The following KIAA1549L variants were observed in gnomAD, a reference collection of about 807,000 sequenced individuals.
KIAA1549L encodes the protein KIAA1549 like, also known as UPF0606 protein KIAA1549L.
Under a neutral mutation model 160.7 loss-of-function variants are expected in KIAA1549L, and 88 were observed. The ratio of observed to expected loss-of-function variants is 0.55; its 90% CI spans 0.46 to 0.65. The LOEUF is 0.65. Ranked by LOEUF, KIAA1549L falls within the 30% of genes least tolerant of loss-of-function variation. The pLI, the probability that KIAA1549L is intolerant of heterozygous loss-of-function variation, is 0.00. For synonymous variants in KIAA1549L, 950 were observed against 976.7 expected (o/e 0.97, Z 0.51); for missense variants, 2,258 against 2,437.5 (o/e 0.93, Z 1.55).
chr11:33,475,946 G>A (rs994883057), intron 1 of KIAA1549L, among the ~76,000 whole-genome samples: 1 of 152,084 alleles, frequency 6.6e-6, no homozygotes, highest in Non-Finnish European at 1.5e-5. Flanking sequence ...ATTAAATCTG[G>A]GGTGGGCCTG....
intron 1 of KIAA1549L, among the ~76,000 whole-genome samples, chr11:33,467,622 G>A (rs1852090087): frequency 6.6e-6 from 1 of 152,238 alleles, no homozygotes; most frequent in Non-Finnish European, 1.5e-5. Context: ...CAGATCCCAA[G>A]AACAGTGTTC....
At chr11:33,417,897 C>T (rs971817611) in intron 1 of KIAA1549L, among the ~76,000 whole-genome samples, 1 of 152,198 alleles carries the variant, frequency 6.6e-6, no homozygotes, top group African/African-American at 2.4e-5. Context: ...TGTGCCTCAG[C>T]CTCCTGAGTA....
chr11:33,469,850 A>G (rs886191898), intron 1 of KIAA1549L, among the ~76,000 whole-genome samples: 2 of 152,200 alleles, frequency 1.3e-5, no homozygotes, highest in African/African-American at 2.4e-5. Context: ...TCCTTTGGCC[A>G]TTACAAAAAT....
intron 18 of KIAA1549L, among the ~76,000 whole-genome samples, chr11:33,657,002 T>C (rs1852088127): frequency 6.6e-6 from 1 of 152,070 alleles, no homozygotes; most frequent in Non-Finnish European, 1.5e-5. Flanking sequence ...GCCTAGATGA[T>C]CTCAAAAGCT....
Position 33,660,898 on chromosome 11 carries a change from G to T in KIAA1549L, c.6043G>T (p.Ala2015Ser), listed in dbSNP as rs1408750392. 6.2e-7 allele frequency: 1 copy of T among 1,613,782 alleles called. No homozygotes were observed. The highest frequency in any genetic ancestry group is 8.5e-7 in the Non-Finnish European group (1 of 1,179,832). ...TVPAVFAIPAANRPGFTGYFI... is the reference protein window; with the variant it reads ...TVPAVFAIPASNRPGFTGYFI... ...GCCAGCAGTGTTCGCCATCCCAGCT[G>T]CCAACAGACCTGGCTTCACCGGCTA... The change falls in exon 20 of 21, where the codon GCC becomes TCC. Residue 2015 changes from alanine (A) to serine (S), a missense_variant. Around this residue, in one of 6 missense-constraint regions of KIAA1549L, gnomAD observed 1,359 missense variants for 1,546.6 expected, o/e 0.88. Coordinates refer to ENST00000658780, the MANE Select transcript of KIAA1549L (RefSeq NM_012194.3).
At chr11:33,506,589 G>T (rs1853095470) in intron 1 of KIAA1549L, among the ~76,000 whole-genome samples, 3 of 151,736 alleles carry the variant, frequency 2.0e-5, no homozygotes, top group South Asian at 2.1e-4. Flanking sequence ...GGGCATGGTG[G>T]CATTTAGTCC....
At chr11:33,590,896 G>A (rs1850033462) in intron 11 of KIAA1549L, among the ~76,000 whole-genome samples, 3 of 152,194 alleles carry the variant, frequency 2.0e-5, no homozygotes, top group Admixed American at 6.5e-5. Context: ...CCTGTTTAAT[G>A]TATTAATTGA....
At chr11:33,531,616 G>C (rs1270076513) in intron 1 of KIAA1549L, among the ~76,000 whole-genome samples, 1 of 152,174 alleles carries the variant, frequency 6.6e-6, no homozygotes, top group Non-Finnish European at 1.5e-5. Flanking sequence ...GCTTCTATCA[G>C]TGCAGTCAAC....
At chr11:33,408,719 T>G (rs1418070674) in intron 1 of KIAA1549L, among the ~76,000 whole-genome samples, 7 of 145,504 alleles carry the variant, frequency 4.8e-5, no homozygotes, top group African/African-American at 1.8e-4. Context: ...ACGGATCACA[T>G]GAGGCCCGGA....
At chr11:33,425,881 C>T (rs897590238) in intron 1 of KIAA1549L, among the ~76,000 whole-genome samples, 2 of 152,188 alleles carry the variant, frequency 1.3e-5, no homozygotes, top group African/African-American at 4.8e-5. Flanking sequence ...TGAAAATGCA[C>T]AAGTTCAGTC....
intron 20 of KIAA1549L, chr11:33,665,646 C>G (rs1419178129): frequency 6.6e-6 from 1 of 152,360 alleles, no homozygotes; most frequent in Non-Finnish European, 1.5e-5. Context: ...AGCCTGAGGA[C>G]TGGCAGGTGG....
At position 33,376,809 on chromosome 11, in the gene KIAA1549L, A is replaced by G. The variant is rs1849963109; in HGVS notation, c.158A>G (p.Asp53Gly). The G allele has an allele frequency of 6.6e-6, 1 of 151,900 alleles. No individual in the cohort carries two copies. The highest frequency in any genetic ancestry group is 2.4e-5 in the African/African-American group (1 of 41,346). The allele number at this position is 151,900 out of a possible 1,614,324, so 9.4% of individuals were successfully genotyped here. The change falls in exon 1 of 21, where the codon GAT becomes GGT. Residue 53 changes from aspartate to glycine, a missense_variant. This residue lies in a region of KIAA1549L where 540 missense variants were observed against 465.7 expected (regional missense o/e 1.16). Coordinates refer to ENST00000658780, the MANE Select transcript of KIAA1549L (RefSeq NM_012194.3). This position sits in a 1 kb window ranked among gnomAD's most constrained non-coding sequence, Gnocchi z 5.8. The part of the protein sequence containing the change: ...VRGPGAGASH[D>G]APPRPPTLLL... ...GGCCCCGGGGCCGGCGCGTCCCACG[A>G]TGCGCCCCCGCGGCCACCGACGCTG...
At chr11:33,494,182 G>GT (rs1852760733) in intron 1 of KIAA1549L, among the ~76,000 whole-genome samples, 1 of 152,088 alleles carries the variant, frequency 6.6e-6, no homozygotes. Context: ...TGTTGATTTT[G>GT]TTTTTTGTGA....
Position 33,384,609 on chromosome 11 carries a change from T to C in KIAA1549L, c.238+7720T>C, listed in dbSNP as rs1483510404. On this transcript the variant is annotated intron_variant, in intron 1 of 20. Transcript: ENST00000658780. ...CTGTATCCTCACTGGCATTTGGTATTGTCAGCTTTGTTTTTCCTTTTAATT... is the reference window on the plus strand; with the variant it reads ...CTGTATCCTCACTGGCATTTGGTATCGTCAGCTTTGTTTTTCCTTTTAATT... 2.4e-4 allele frequency among the ~76,000 whole-genome samples: 36 copies of C among 152,258 alleles called. 2 individuals carry two copies. Among genetic ancestry groups the C allele is most frequent in the Admixed American group, 2.4e-3 (36 of 15,288 alleles).
chr11:33,459,233 T>C (rs1424657279), intron 1 of KIAA1549L, among the ~76,000 whole-genome samples: 1 of 152,240 alleles, frequency 6.6e-6, no homozygotes, highest in East Asian at 1.9e-4. Flanking sequence ...CCTTGTTGGA[T>C]GGTTGTCACA....
chr11:33,651,003 G>A (rs538295614), intron 17 of KIAA1549L, among the ~76,000 whole-genome samples: 2 of 152,048 alleles, frequency 1.3e-5, no homozygotes, highest in Non-Finnish European at 2.9e-5. Context: ...AGGACAGAAG[G>A]CCCCTTTTCC....
In KIAA1549L at chr11:33,524,223, C is replaced by G. The variant is rs1374436129; in HGVS notation, c.239-17579C>G. Among the ~76,000 whole-genome samples the G allele has an allele frequency of 2.0e-5, 3 of 152,058 alleles. 1 individual carries two copies. In the East Asian group the frequency reaches 5.8e-4, roughly 29 times the overall value. The stretch of plus-strand genomic sequence containing the variant: ...ACATTATTCATTTCCTCTAGGGTTT[C>G]AAACTTTTTGCCAGAGTTGCAGGTG... On this transcript the variant is annotated intron_variant, in intron 1 of 20. Coordinates refer to ENST00000658780, the MANE Select transcript of KIAA1549L (RefSeq NM_012194.3).
chr11:33,581,925 T>A (rs1855657984), intron 10 of KIAA1549L, among the ~76,000 whole-genome samples: 1 of 152,168 alleles, frequency 6.6e-6, no homozygotes, highest in Non-Finnish European at 1.5e-5. Context: ...GGGTAAAAGC[T>A]GAACATTCTT....
chr11:33,630,414 G>A (rs1356354196), intron 16 of KIAA1549L, among the ~76,000 whole-genome samples: 1 of 152,242 alleles, frequency 6.6e-6, no homozygotes, highest in Non-Finnish European at 1.5e-5. Flanking sequence ...TCAGACTGCT[G>A]TGCTAGCAAT....
Sources: gnomAD v4.1 joint callset for allele counts (sites outside exome capture counted in the v4.1 genomes callset) on GRCh38, gnomAD v4.1.1 for gene constraint, gnomAD v4.1.1 regional missense constraint, Gnocchi (gnomAD v3.1) non-coding constraint, MANE v1.5 for transcripts, NCBI Gene and HGNC (gene_info 2026-07-23, HGNC 2026-07-21) for gene names.